Variants in AMMECR1 observed in about 807,000 individuals in gnomAD.
The protein encoded by AMMECR1 is AMMECR nuclear protein 1.
In AMMECR1, 3 loss-of-function variants were observed where a neutral mutation model predicts 22.5. The observed-to-expected ratio is 0.13, with a 90% CI of 0.06 to 0.35. The LOEUF is 0.35. Among genes scored for constraint, AMMECR1 ranks in the 10% least tolerant of loss-of-function variants. The probability of loss-of-function intolerance (pLI) is 1.00; values close to 1 mark genes in which losing one functional copy is unlikely to be tolerated. For missense variants in AMMECR1, 235 were observed against 278.7 expected (o/e 0.84, Z 1.12); for synonymous variants, 130 against 116.7 (o/e 1.11, Z -0.74).
intron 1 of AMMECR1, among the ~76,000 whole-genome samples, chrX:110,295,277 G>T (rs190609257): frequency 2.1e-3 from 229 of 111,299 alleles, no homozygotes; most frequent in Non-Finnish European, 3.3e-3. Context: ...AATTATTAAA[G>T]ATATTAATTT....
At chrX:110,257,807 C>T (rs889495015) in intron 2 of AMMECR1, among the ~76,000 whole-genome samples, 14 of 111,675 alleles carry the variant, frequency 1.3e-4, no homozygotes, top group Non-Finnish European at 3.8e-5. Context: ...ACAATTATTT[C>T]GATAACTTCT....
chrX:110,315,433 G>A lies in AMMECR1; in HGVS notation c.473+2166C>T, dbSNP rs774572911. Among the ~76,000 whole-genome samples the A allele has an allele frequency of 9.8e-5, 11 of 112,075 alleles. 1 individual carries two copies. The highest frequency in any genetic ancestry group is 3.7e-4 in the South Asian group (1 of 2,692). ...TAATAGTTATTATTCTTCCACCACCGTTTCAACATATCCACAGTGGTCAAA... is the reference window on the plus strand; with the variant it reads ...TAATAGTTATTATTCTTCCACCACCATTTCAACATATCCACAGTGGTCAAA... On this transcript the variant is annotated intron_variant, in intron 1 of 5. Transcript: ENST00000262844.
chrX:110,235,782 G>A lies in AMMECR1; in HGVS notation c.585-19150C>T, dbSNP rs2067597356. 3.6e-5 allele frequency among the ~76,000 whole-genome samples: 4 copies of A among 111,027 alleles called. No homozygotes were observed. The South Asian group carries it at 1.2e-3, about 32-fold the overall frequency. ...GAACAATGAGATCACTTGGACACAG[G>A]GTGCGGGACATCACACACCAGGGCC... On this transcript the variant is annotated intron_variant, in intron 2 of 5. Transcript: ENST00000262844.
chrX:110,353,719 T>C (rs1310015543), intron 2 of AMMECR1, among the ~76,000 whole-genome samples: 1 of 111,761 alleles, frequency 8.9e-6, no homozygotes, highest in Non-Finnish European at 1.9e-5. Flanking sequence ...GCATGTTTTG[T>C]GGCCTAACAT....
At chrX:110,246,086 A>G (rs1182963134) in intron 2 of AMMECR1, among the ~76,000 whole-genome samples, 1 of 112,014 alleles carries the variant, frequency 8.9e-6, no homozygotes, top group Admixed American at 9.5e-5. Flanking sequence ...TCCCCAGGCT[A>G]TTTCTGTTTC....
intron 2 of AMMECR1, among the ~76,000 whole-genome samples, chrX:110,243,880 G>C (rs760504798): frequency 3.6e-5 from 4 of 111,384 alleles, no homozygotes; most frequent in Non-Finnish European, 7.6e-5. Flanking sequence ...ACCATATCCT[G>C]AAAGCAAACA....
At chrX:110,395,681 G>A (rs1285423612) in intron 2 of AMMECR1, among the ~76,000 whole-genome samples, 1 of 111,018 alleles carries the variant, frequency 9.0e-6, no homozygotes, top group Non-Finnish European at 1.9e-5. Flanking sequence ...TCCTGTGCGT[G>A]TTTGAAGGGG....
At chrX:110,376,259 A>T (rs1208930403) in intron 2 of AMMECR1, among the ~76,000 whole-genome samples, 1 of 111,156 alleles carries the variant, frequency 9.0e-6, no homozygotes, top group East Asian at 2.8e-4. Context: ...TCATCACTAG[A>T]AGCAGGATCG....
At chrX:110,244,166 TTA>T (rs1307868378) in intron 2 of AMMECR1, among the ~76,000 whole-genome samples, 2 of 111,608 alleles carry the variant, frequency 1.8e-5, no homozygotes, top group Non-Finnish European at 3.8e-5. Flanking sequence ...CTTGTCTCTG[TTA>T]TATGTTTCTT....
chrX:110,344,005 T>C (rs1432725525), intron 2 of AMMECR1, among the ~76,000 whole-genome samples: 2 of 111,662 alleles, frequency 1.8e-5, no homozygotes, highest in African/African-American at 6.5e-5. Flanking sequence ...TTAAAGTTCA[T>C]ATGGAACCAA....
At chrX:110,282,927 G>A (rs2067860410) in intron 1 of AMMECR1, among the ~76,000 whole-genome samples, 1 of 111,907 alleles carries the variant, frequency 8.9e-6, no homozygotes, top group African/African-American at 3.3e-5. Flanking sequence ...ATATGGAGCA[G>A]ACATGACACT....
chrX:110,429,962 G>A (rs1357141915), intron 1 of AMMECR1, among the ~76,000 whole-genome samples: 1 of 111,861 alleles, frequency 8.9e-6, no homozygotes, highest in Non-Finnish European at 1.9e-5. Context: ...TGTAATTTTG[G>A]ATTATGAGTT....
chrX:110,307,853 CT>C lies in AMMECR1; in HGVS notation c.473+9745del, dbSNP rs1158202877. The stretch of plus-strand genomic sequence containing the variant: ...GATATGCATTTGCTTCTGCTAGAAA[CT>C]TTTTTTTTTCTTTTTTTTTTTTTTT... On this transcript the variant is annotated intron_variant, in intron 1 of 5. Transcript: ENST00000262844. Among the ~76,000 whole-genome samples, 270 of 90,943 alleles carry C rather than the reference CT, an allele frequency of 3.0e-3. 2 individuals carry two copies. Among genetic ancestry groups the C allele is most frequent in the African/African-American group, 9.7e-3 (241 of 24,962 alleles). 79.0% of individuals were successfully genotyped at this position (90,943 alleles called of 115,157 possible).
At chrX:110,332,734 T>G (rs2068125531) in intron 2 of AMMECR1, among the ~76,000 whole-genome samples, 1 of 111,193 alleles carries the variant, frequency 9.0e-6, no homozygotes, top group Non-Finnish European at 1.9e-5. Flanking sequence ...CTAGGTTCAT[T>G]GAGGAAAAGT....
intron 2 of AMMECR1, among the ~76,000 whole-genome samples, chrX:110,352,220 T>C (rs1242970960): frequency 8.9e-6 from 1 of 112,084 alleles, no homozygotes; most frequent in African/African-American, 3.2e-5. Flanking sequence ...TTCCTAGGCA[T>C]ATACCCAAGA....
At position 110,418,465 on chromosome X, in the gene AMMECR1, A is replaced by G. The variant is rs758543111; in HGVS notation, c.-148+8193T>C. Reference sequence around the variant, plus strand: ...AGGCAAGATACACACAATCAGGAAAAGCAGCAGCTAGCATAGGCAGTTAGT... The same window carrying G: ...AGGCAAGATACACACAATCAGGAAAGGCAGCAGCTAGCATAGGCAGTTAGT... On this transcript the variant is annotated intron_variant, in intron 2 of 7. Coordinates refer to the AMMECR1 transcript ENST00000372057. 9.6e-4 allele frequency among the ~76,000 whole-genome samples: 108 copies of G among 112,170 alleles called. 1 individual carries two copies. Among genetic ancestry groups the G allele is most frequent in the African/African-American group, 3.4e-3 (105 of 30,883 alleles).
At chrX:110,418,422 G>GC (rs2068693585) in intron 2 of AMMECR1, among the ~76,000 whole-genome samples, 1 of 111,958 alleles carries the variant, frequency 8.9e-6, no homozygotes, top group Non-Finnish European at 1.9e-5. Flanking sequence ...TGTGCCGATG[G>GC]CCCCCGTGTG....
intron 2 of AMMECR1, among the ~76,000 whole-genome samples, chrX:110,217,248 C>T (rs2067478126): frequency 9.3e-6 from 1 of 106,980 alleles, no homozygotes; most frequent in Non-Finnish European, 1.9e-5. Context: ...ACTAAAAATA[C>T]TCATAAGAAT....
intron 2 of AMMECR1, among the ~76,000 whole-genome samples, chrX:110,363,544 A>G (rs927172041): frequency 8.9e-6 from 1 of 112,229 alleles, no homozygotes. Flanking sequence ...GAAAGTCCAT[A>G]TAACTAAGAC....
Sources: gnomAD v4.1 joint callset for allele counts (sites outside exome capture counted in the v4.1 genomes callset) on GRCh38, gnomAD v4.1.1 for gene constraint, MANE v1.5 for transcripts, NCBI Gene and HGNC (gene_info 2026-07-23, HGNC 2026-07-21) for gene names.